Variants in EPHA5 observed in about 807,000 individuals in gnomAD.
The protein encoded by EPHA5 is ephrin type-A receptor 5.
EPHA5 carries 60 observed loss-of-function variants against 105.0 expected under a neutral mutation model. The observed-to-expected ratio is 0.57, with a 90% CI of 0.46 to 0.71. EPHA5 has a LOEUF of 0.71. Among genes scored for constraint, EPHA5 ranks in the 30% least tolerant of loss-of-function variants. The pLI, the probability that EPHA5 is intolerant of heterozygous loss-of-function variation, is 0.00. For synonymous variants in EPHA5, 513 were observed against 449.1 expected (o/e 1.14, Z -1.80); for missense variants, 1,218 against 1,274.7 (o/e 0.96, Z 0.68).
intron 5 of EPHA5, among the ~76,000 whole-genome samples, chr4:65,489,561 G>A (rs1467049864): frequency 2.0e-5 from 3 of 152,118 alleles, no homozygotes; most frequent in African/African-American, 4.8e-5. Context: ...CCAGATACCT[G>A]TTGGTGGACA....
intron 3 of EPHA5, among the ~76,000 whole-genome samples, chr4:65,568,549 T>C (rs1230727310): frequency 6.6e-6 from 1 of 151,158 alleles, no homozygotes; most frequent in Non-Finnish European, 1.5e-5. Flanking sequence ...ATCCCTTTTT[T>C]TTAAACATGT....
intron 3 of EPHA5, among the ~76,000 whole-genome samples, chr4:65,578,066 G>C (rs1037450565): frequency 1.3e-5 from 2 of 151,870 alleles, no homozygotes; most frequent in Admixed American, 6.6e-5. Flanking sequence ...CTACTTCTTG[G>C]GATATCTCTA....
At chr4:65,422,823 A>G (rs1430157635) in intron 5 of EPHA5, among the ~76,000 whole-genome samples, 3 of 152,092 alleles carry the variant, frequency 2.0e-5, no homozygotes, top group Non-Finnish European at 4.4e-5. Context: ...TTATTTTTAT[A>G]GAAAAATAAG....
chr4:65,328,398 A>C (rs138400801), intron 16 of EPHA5, among the ~76,000 whole-genome samples: 2 of 151,394 alleles, frequency 1.3e-5, no homozygotes, highest in Non-Finnish European at 3.0e-5. Context: ...TAGAGTAATA[A>C]AAAGTATATA....
At chr4:65,604,146 A>G (rs998166307) in intron 2 of EPHA5, among the ~76,000 whole-genome samples, 8 of 6,544 alleles carry the variant, frequency 1.2e-3, no homozygotes, top group Non-Finnish European at 4.0e-3. Flanking sequence ...TCTGGACAAT[A>G]TATTCTAGTA....
At chr4:65,335,029 A>G (rs555366797) in intron 15 of EPHA5, among the ~76,000 whole-genome samples, 1 of 152,138 alleles carries the variant, frequency 6.6e-6, no homozygotes, top group South Asian at 2.1e-4. Flanking sequence ...CCTCATTTGT[A>G]TTTAAAATGA....
chr4:65,548,905 C>G lies in EPHA5; in HGVS notation c.910+52736G>C, dbSNP rs141578610. Among the ~76,000 whole-genome samples, 441 of 152,224 alleles carry G rather than the reference C, an allele frequency of 2.9e-3. 2 individuals are homozygous for G. Among genetic ancestry groups the G allele is most frequent in the Non-Finnish European group, 4.9e-3 (335 of 68,000 alleles). ...TATGTGGAAATTGGGACTTAGGGAACTTGGACAAATGTTAATTGTCTGGCT... is the reference window on the plus strand; with the variant it reads ...TATGTGGAAATTGGGACTTAGGGAAGTTGGACAAATGTTAATTGTCTGGCT... On this transcript the variant is annotated intron_variant, in intron 3 of 16. Transcript: ENST00000613740.
chr4:65,501,238 A>G (rs1263622252), intron 3 of EPHA5, among the ~76,000 whole-genome samples: 1 of 151,472 alleles, frequency 6.6e-6, no homozygotes, highest in Non-Finnish European at 1.5e-5. Flanking sequence ...CTTCATATTT[A>G]AAACATTGGA....
intron 2 of EPHA5, among the ~76,000 whole-genome samples, chr4:65,616,781 TA>T (rs1745277963): frequency 6.6e-6 from 1 of 152,054 alleles, no homozygotes; most frequent in Admixed American, 6.6e-5. Flanking sequence ...AATTAAAACT[TA>T]AGTACTTATT....
intron 3 of EPHA5, among the ~76,000 whole-genome samples, chr4:65,534,138 A>G (rs560651316): frequency 6.6e-6 from 1 of 152,320 alleles, no homozygotes; most frequent in African/African-American, 2.4e-5. Context: ...GAATGGCTTA[A>G]GTTTCCAACT....
intron 8 of EPHA5, among the ~76,000 whole-genome samples, chr4:65,372,552 C>G (rs1718582977): frequency 6.6e-6 from 1 of 151,872 alleles, no homozygotes; most frequent in African/African-American, 2.4e-5. Context: ...AAAAGGGCAA[C>G]TAATCTATTT....
intron 9 of EPHA5, among the ~76,000 whole-genome samples, chr4:65,366,421 G>A (rs964173051): frequency 7.9e-5 from 12 of 151,774 alleles, no homozygotes; most frequent in African/African-American, 2.7e-4. Context: ...GATGATATTC[G>A]ATATAATCCC....
At chr4:65,510,835 C>T (rs996086680) in intron 3 of EPHA5, among the ~76,000 whole-genome samples, 6 of 152,176 alleles carry the variant, frequency 3.9e-5, no homozygotes, top group Non-Finnish European at 7.3e-5. Context: ...GTATATGATG[C>T]TCAAGTATAG....
At chr4:65,621,148 A>G (rs764393878) in intron 2 of EPHA5, among the ~76,000 whole-genome samples, 12 of 152,220 alleles carry the variant, frequency 7.9e-5, no homozygotes, top group Non-Finnish European at 1.8e-4. Context: ...AGTTTGAATA[A>G]TGAACACTGC....
intron 8 of EPHA5, among the ~76,000 whole-genome samples, chr4:65,386,214 A>G (rs1720068490): frequency 6.6e-6 from 1 of 151,992 alleles, no homozygotes; most frequent in African/African-American, 2.4e-5. Context: ...CATGCAATTT[A>G]CAAAACAGAT....
intron 3 of EPHA5, among the ~76,000 whole-genome samples, chr4:65,525,174 C>T (rs1185076725): frequency 1.3e-5 from 2 of 151,538 alleles, no homozygotes; most frequent in Non-Finnish European, 1.5e-5. Context: ...TAACTATTAA[C>T]TAGTTATCTC....
intron 3 of EPHA5, among the ~76,000 whole-genome samples, chr4:65,500,957 T>C (rs1171859631): frequency 6.6e-6 from 1 of 151,186 alleles, no homozygotes; most frequent in Non-Finnish European, 1.5e-5. Flanking sequence ...GTATGTTTTA[T>C]TGAGAAAGAA....
intron 2 of EPHA5, among the ~76,000 whole-genome samples, chr4:65,607,180 TG>T (rs1290331013): frequency 1.7e-4 from 26 of 151,078 alleles, no homozygotes; most frequent in South Asian, 4.2e-4. Context: ...AACTCACTGA[TG>T]TTTTTTTTAA....
intron 3 of EPHA5, among the ~76,000 whole-genome samples, chr4:65,597,481 G>A (rs139324986): frequency 1.6e-5 from 2 of 127,662 alleles, no homozygotes; most frequent in African/African-American, 6.6e-5. Flanking sequence ...TCTCACATGA[G>A]TCTTAAGGGG....
Sources: gnomAD v4.1 joint callset for allele counts (sites outside exome capture counted in the v4.1 genomes callset) on GRCh38, gnomAD v4.1.1 for gene constraint, MANE v1.5 for transcripts, NCBI Gene and HGNC (gene_info 2026-07-23, HGNC 2026-07-21) for gene names.